ARHGAP5: variants seen among roughly 807,000 people sequenced by gnomAD.
The protein encoded by ARHGAP5 is Rho GTPase activating protein 5, also known as rho GTPase-activating protein 5.
In ARHGAP5, 23 loss-of-function variants were observed where a neutral mutation model predicts 116.6. That is an observed-to-expected ratio of 0.20 (90% confidence interval 0.14 to 0.28). The LOEUF (loss-of-function observed/expected upper bound fraction) is 0.28, where lower values mean the gene tolerates loss of function less well. Among genes scored for constraint, ARHGAP5 ranks in the 10% least tolerant of loss-of-function variants. The pLI, the probability that ARHGAP5 is intolerant of heterozygous loss-of-function variation, is 1.00. For synonymous variants in ARHGAP5, 574 were observed against 602.0 expected, an observed-to-expected ratio of 0.95 and a Z score of 0.68; for missense variants, 1,405 against 1,774.8, an observed-to-expected ratio of 0.79 and a Z score of 3.74.
intron 3 of ARHGAP5, among the ~76,000 whole-genome samples, chr14:32,138,003 A>G (rs117967766): frequency 6.6e-6 from 1 of 151,736 alleles, no homozygotes; most frequent in Non-Finnish European, 1.5e-5. Context: ...TTCACCTTCC[A>G]ATCCACAAAC....
intron 2 of ARHGAP5, 21 bp from the exon 3 acceptor site, chr14:32,117,114 GTTAAC>G (rs775212179): frequency 5.8e-6 from 9 of 1,549,046 alleles, no homozygotes; most frequent in East Asian, 2.3e-5. Context: ...TTTTAATAGT[GTTAAC>G]TTAAATATGT....
chr14:32,111,692 ACT>A (rs1368884965), intron 2 of ARHGAP5, among the ~76,000 whole-genome samples: 4 of 151,486 alleles, frequency 2.6e-5, no homozygotes, highest in East Asian at 3.9e-4. Flanking sequence ...AGGAAAAGGA[ACT>A]CTCTGATGGT....
chr14:32,077,590 GC>G (rs2041720652), intron 1 of ARHGAP5, among the ~76,000 whole-genome samples, 155 bp downstream of exon 1: 1 of 152,174 alleles, frequency 6.6e-6, no homozygotes, highest in African/African-American at 2.4e-5. Context: ...CTGGCGCTGC[GC>G]TCGGTTTTCG....
rs771966068 is a variant in ARHGAP5 at position 32,092,089 on chromosome 14, G to A, written c.1420G>A (p.Val474Ile). 100 of 1,613,752 alleles carry A rather than the reference G, an allele frequency of 6.2e-5. No individual in the cohort carries two copies. The highest frequency in any genetic ancestry group is 8.0e-5 in the Non-Finnish European group (94 of 1,179,830). Reference protein sequence around the residue: ...KYITEADSKEVYGRHQREIVE... With the variant: ...KYITEADSKEIYGRHQREIVE... Reference sequence around the variant, plus strand: ...TATCACTGAGGCTGATAGCAAAGAGGTATATGGTAGGCATCAGCGAGAAAT... The same window carrying A: ...TATCACTGAGGCTGATAGCAAAGAGATATATGGTAGGCATCAGCGAGAAAT... Residue 474 changes from valine to isoleucine, a missense_variant, in exon 2 of 7, where the codon GTA becomes ATA. Transcript: ENST00000345122. The surrounding 1 kb of genome is among the most constrained non-coding windows in gnomAD (Gnocchi z 4.1).
rs1878871535 is a variant in ARHGAP5 at position 32,103,284 on chromosome 14, A to G, written c.3717+8898A>G. On this transcript the variant is annotated intron_variant, in intron 2 of 6. Coordinates refer to ENST00000345122, the MANE Select transcript of ARHGAP5 (RefSeq NM_001030055.2). ...CTTTGAATTCTGTGTTGTCCATTTG[A>G]TCATGATTTATTGCTTTTCAAATTC... Among the ~76,000 whole-genome samples the G allele has an allele frequency of 2.0e-5, 3 of 152,286 alleles. No homozygotes were observed. In the South Asian group the frequency reaches 6.2e-4, roughly 32 times the overall value.
At chr14:32,143,337 G>T (rs974496327) in intron 3 of ARHGAP5, among the ~76,000 whole-genome samples, 4 of 152,024 alleles carry the variant, frequency 2.6e-5, no homozygotes, top group Admixed American at 2.6e-4. Context: ...CCGCCTCCCA[G>T]GTTCAAGCAA....
At chr14:32,097,181 G>C (rs527989940) in intron 2 of ARHGAP5, among the ~76,000 whole-genome samples, 1 of 152,306 alleles carries the variant, frequency 6.6e-6, no homozygotes, top group African/African-American at 2.4e-5. Context: ...CTAGTGACTA[G>C]AAATGTTTGA....
rs372850172 is a variant in ARHGAP5 at position 32,093,450 on chromosome 14, A to G, written c.2781A>G (p.Gln927=). The change falls in exon 2 of 7, where the codon CAA becomes CAG. Residue 927 remains glutamine (Q), a synonymous_variant. Coordinates refer to ENST00000345122, the MANE Select transcript of ARHGAP5 (RefSeq NM_001030055.2). ...ALYSLSQYHR[Q]TEVFTLFFSD... ...ATTCTTTATCTCAGTATCATCGGCA[A>G]ACTGAGGTCTTTACTCTGTTTTTTA... is the stretch of plus-strand genomic sequence containing the variant. 25 of 1,613,440 alleles carry G rather than the reference A, an allele frequency of 1.5e-5. No homozygotes were observed. In the African/African-American group the frequency reaches 2.3e-4, roughly 15 times the overall value.
chr14:32,103,959 A>AT (rs2139042404), intron 2 of ARHGAP5, among the ~76,000 whole-genome samples: 1 of 152,366 alleles, frequency 6.6e-6, no homozygotes, highest in African/African-American at 2.4e-5. Flanking sequence ...TACAACTTGC[A>AT]TACATTGTAT....
At chr14:32,135,374 T>C (rs1271935770) in intron 3 of ARHGAP5, among the ~76,000 whole-genome samples, 2 of 152,248 alleles carry the variant, frequency 1.3e-5, no homozygotes, top group African/African-American at 4.8e-5. Context: ...CTTTTTTATG[T>C]CTAGACTCAC....
In ARHGAP5 at chr14:32,132,643, G is replaced by C. The variant is rs534913553; in HGVS notation, c.3866-13620G>C. Among the ~76,000 whole-genome samples the C allele has an allele frequency of 5.3e-5, 8 of 152,278 alleles. No homozygotes were observed. The East Asian group carries it at 1.5e-3, about 29-fold the overall frequency. On this transcript the variant is annotated intron_variant, in intron 3 of 6. Coordinates refer to ENST00000345122, the MANE Select transcript of ARHGAP5 (RefSeq NM_001030055.2). ...TGTTGCCATTGCTTTTGGTGTTTTA[G>C]ACATGAAGTCCTTGTCCATGCCTAT...
At chr14:32,113,397 T>C (rs986252799) in intron 2 of ARHGAP5, among the ~76,000 whole-genome samples, 1 of 152,252 alleles carries the variant, frequency 6.6e-6, no homozygotes, top group African/African-American at 2.4e-5. Context: ...CCCCTTGTTA[T>C]ATGTATGGAT....
In ARHGAP5 at chr14:32,150,010, A is replaced by T. The variant is rs773325049; in HGVS notation, c.4052A>T (p.His1351Leu). 1.2e-6 allele frequency: 2 copies of T among 1,602,450 alleles called. No individual in the cohort carries two copies. Among genetic ancestry groups the T allele is most frequent in the Non-Finnish European group, 1.7e-6 (2 of 1,175,384 alleles). The change falls in exon 5 of 7, where the codon CAT (histidine) becomes CTT (leucine). Residue 1351 changes from histidine (H) to leucine (L), a missense_variant. Around this residue, in one of 6 missense-constraint regions of ARHGAP5, gnomAD observed 176 missense variants for 221.2 expected, o/e 0.80. Transcript: ENST00000345122. ...LPDPLIPYSLHPELLEAAKIP... is the reference protein window; with the variant it reads ...LPDPLIPYSLLPELLEAAKIP... ...GATCCTTTAATTCCATATTCTCTTC[A>T]TCCAGAACTATTGGAAGCAGCAAGT...
At chr14:32,122,071 T>C (rs892179982) in intron 3 of ARHGAP5, among the ~76,000 whole-genome samples, 82 of 152,226 alleles carry the variant, frequency 5.4e-4, no homozygotes, top group Non-Finnish European at 1.9e-4. Flanking sequence ...AGTGGAATTG[T>C]TGGATCTGTG....
intron 1 of ARHGAP5, among the ~76,000 whole-genome samples, chr14:32,085,849 T>A (rs560387420): frequency 1.1e-4 from 17 of 152,192 alleles, no homozygotes; most frequent in East Asian, 9.7e-4. Flanking sequence ...TGAAAAAAAA[T>A]TTTTTTAAGA....
At chr14:32,089,058 G>A (rs1193506378) in intron 1 of ARHGAP5, among the ~76,000 whole-genome samples, 2 of 151,888 alleles carry the variant, frequency 1.3e-5, no homozygotes, top group African/African-American at 4.8e-5. Context: ...TATTTTGTTT[G>A]ACTGTCAGAT....
At chr14:32,139,554 T>C (rs1187269933) in intron 3 of ARHGAP5, among the ~76,000 whole-genome samples, 1 of 152,104 alleles carries the variant, frequency 6.6e-6, no homozygotes, top group Non-Finnish European at 1.5e-5. Flanking sequence ...TAGTGATGTG[T>C]CTACTTTCAT....
chr14:32,084,672 C>T (rs770539207), intron 1 of ARHGAP5, among the ~76,000 whole-genome samples: 8 of 152,156 alleles, frequency 5.3e-5, no homozygotes, highest in Admixed American at 4.6e-4. Flanking sequence ...GGTTGGTTCT[C>T]TCTTCATTTG....
intron 1 of ARHGAP5, among the ~76,000 whole-genome samples, chr14:32,080,193 T>A (rs1335410283): frequency 6.6e-6 from 1 of 151,964 alleles, no homozygotes; most frequent in Non-Finnish European, 1.5e-5. Context: ...TGGATTCCTG[T>A]GGGTTTTTTT....
Sources: allele counts gnomAD v4.1 joint callset (sites outside exome capture counted in the v4.1 genomes callset), GRCh38; gene constraint gnomAD v4.1.1; regional missense constraint gnomAD v4.1.1; non-coding constraint Gnocchi (gnomAD v3.1); transcripts MANE v1.5; gene names NCBI Gene and HGNC (gene_info 2026-07-23, HGNC 2026-07-21).